The following CADPS2 variants were observed in gnomAD, a reference collection of about 807,000 sequenced individuals.
The protein encoded by CADPS2 is calcium-dependent secretion activator 2.
In CADPS2, 93 loss-of-function variants were observed where a neutral mutation model predicts 172.5. The observed-to-expected ratio is 0.54, with a 90% CI of 0.46 to 0.64. The LOEUF is 0.64. Ranked by LOEUF, CADPS2 falls within the 30% of genes least tolerant of loss-of-function variation. The pLI is 0.00. For synonymous variants in CADPS2, 546 were observed against 555.2 expected (o/e 0.98, Z 0.23); for missense variants, 1,420 against 1,565.9 (o/e 0.91, Z 1.57).
chr7:122,375,707 T>A (rs1563182684), intron 25 of CADPS2, among the ~76,000 whole-genome samples: 1 of 152,074 alleles, frequency 6.6e-6, no homozygotes, highest in African/African-American at 2.4e-5. Flanking sequence ...GCCGTAGCAA[T>A]GACTTCTTGG....
chr7:122,850,267 C>A (rs776843236), intron 1 of CADPS2: 80 of 757,054 alleles, frequency 1.1e-4, no homozygotes, highest in Non-Finnish European at 1.4e-4. Context: ...CACTGGGGGC[C>A]CCAGGACTCC....
intron 1 of CADPS2, among the ~76,000 whole-genome samples, chr7:122,797,894 C>A (rs1379602680): frequency 6.6e-6 from 1 of 151,978 alleles, no homozygotes; most frequent in Non-Finnish European, 1.5e-5. Flanking sequence ...AAAAATATTT[C>A]ATCATATGAA....
chr7:122,872,001 T>G (rs776656494), intron 1 of CADPS2, among the ~76,000 whole-genome samples: 1 of 151,984 alleles, frequency 6.6e-6, no homozygotes, highest in Non-Finnish European at 1.5e-5. Flanking sequence ...ATGACAACAC[T>G]CAAATTTAAC....
intron 1 of CADPS2, among the ~76,000 whole-genome samples, chr7:122,749,118 A>T (rs1254350623): frequency 6.6e-6 from 1 of 152,136 alleles, no homozygotes; most frequent in Non-Finnish European, 1.5e-5. Context: ...ATTTTATTCT[A>T]AGAAAAAGGG....
chr7:122,882,590 C>A (rs925691307), intron 1 of CADPS2, among the ~76,000 whole-genome samples: 3 of 149,776 alleles, frequency 2.0e-5, no homozygotes, highest in Non-Finnish European at 4.4e-5. Flanking sequence ...ATCAGGATCT[C>A]TCTAACTTTC....
In CADPS2 at chr7:122,366,513, G is replaced by A. The variant is rs571245306; in HGVS notation, c.3388-5500C>T. ...CCAGCTACTCAGGAGGCTGAGGCAG[G>A]AGAATCGCTTGAACCTGGGAGATGG... On this transcript the variant is annotated intron_variant, in intron 25 of 29. Transcript: ENST00000449022. Among the ~76,000 whole-genome samples the A allele has an allele frequency of 6.0e-5, 9 of 150,620 alleles. No homozygotes were observed. In the South Asian group the frequency reaches 1.9e-3, roughly 32 times the overall value.
intron 6 of CADPS2, among the ~76,000 whole-genome samples, chr7:122,600,204 G>C (rs879264055): frequency 6.6e-6 from 1 of 152,074 alleles, no homozygotes; most frequent in Non-Finnish European, 1.5e-5. Context: ...CAGTAGCTAA[G>C]TCAAGGAATT....
At chr7:122,632,657 CTG>C (rs1180146973) in intron 3 of CADPS2, among the ~76,000 whole-genome samples, 3 of 152,130 alleles carry the variant, frequency 2.0e-5, no homozygotes, top group Non-Finnish European at 4.4e-5. Flanking sequence ...TTGGTTGACT[CTG>C]TTGGTAATTT....
chr7:122,714,792 A>G (rs918648424), intron 2 of CADPS2, among the ~76,000 whole-genome samples: 5 of 152,176 alleles, frequency 3.3e-5, no homozygotes, highest in African/African-American at 1.2e-4. Context: ...AGAAACTTAC[A>G]GTAATAATAA....
intron 1 of CADPS2, among the ~76,000 whole-genome samples, chr7:122,827,344 C>A (rs1363694487): frequency 6.6e-6 from 1 of 151,986 alleles, no homozygotes; most frequent in Non-Finnish European, 1.5e-5. Flanking sequence ...AAAGAAAATT[C>A]TAGTAAATAT....
At chr7:122,507,848 T>C (rs938604556) in intron 9 of CADPS2, among the ~76,000 whole-genome samples, 11 of 152,158 alleles carry the variant, frequency 7.2e-5, no homozygotes, top group African/African-American at 2.2e-4. Context: ...GTTTTTGCTA[T>C]GGAACAGCAA....
intron 8 of CADPS2, among the ~76,000 whole-genome samples, chr7:122,543,999 G>A (rs985339425): frequency 6.6e-6 from 1 of 152,088 alleles, no homozygotes; most frequent in Admixed American, 6.6e-5. Flanking sequence ...GAACTATCTA[G>A]TAAAACTTGA....
At chr7:122,659,565 G>C (rs1319123650) in intron 3 of CADPS2, among the ~76,000 whole-genome samples, 2 of 152,038 alleles carry the variant, frequency 1.3e-5, no homozygotes, top group Non-Finnish European at 2.9e-5. Context: ...AGAGGGGATA[G>C]GACAGAAGGA....
Position 122,390,984 on chromosome 7 carries a change from T to A in CADPS2, c.3008+2212A>T, listed in dbSNP as rs1026049891. 4.2e-4 allele frequency among the ~76,000 whole-genome samples: 64 copies of A among 152,026 alleles called. 1 individual carries two copies. The highest frequency in any genetic ancestry group is 4.1e-4 in the Non-Finnish European group (28 of 67,966). ...TACAGATACATATGTCGATGAGCAA[T>A]CCTTGCATGATTTATGCATTGGTAG... On this transcript the variant is annotated intron_variant, in intron 22 of 29. Transcript: ENST00000449022.
intron 1 of CADPS2, among the ~76,000 whole-genome samples, chr7:122,759,227 C>T (rs1230338071): frequency 6.6e-6 from 1 of 152,042 alleles, no homozygotes; most frequent in East Asian, 1.9e-4. Flanking sequence ...TCAGCACCCA[C>T]CTGAAAGTCA....
At chr7:122,416,291 T>C in intron 17 of CADPS2, 127 bp from the exon 18 acceptor site, 1 of 460,574 alleles carries the variant, frequency 2.2e-6, no homozygotes. Context: ...AATACATTAT[T>C]TAGACAAAAA....
At chr7:122,726,096 T>G (rs529904302) in intron 2 of CADPS2, among the ~76,000 whole-genome samples, 1 of 151,842 alleles carries the variant, frequency 6.6e-6, no homozygotes, top group African/African-American at 2.4e-5. Context: ...CCCATCTGGA[T>G]TCAGAGGCAA....
chr7:122,581,126 C>T (rs1445603236), intron 7 of CADPS2, 53 bp downstream of exon 7: 1 of 1,273,960 alleles, frequency 7.8e-7, no homozygotes, highest in African/African-American at 1.5e-5. Context: ...AATCATGAAT[C>T]CAAAGAAGTT....
chr7:122,617,782 G>A (rs755002229), intron 5 of CADPS2, among the ~76,000 whole-genome samples: 8 of 152,238 alleles, frequency 5.3e-5, no homozygotes, highest in East Asian at 3.9e-4. Flanking sequence ...AGTGGCTCAC[G>A]CCTGTAATCT....
Sources: allele counts gnomAD v4.1 joint callset (sites outside exome capture counted in the v4.1 genomes callset), GRCh38; gene constraint gnomAD v4.1.1; transcripts MANE v1.5; gene names NCBI Gene and HGNC (gene_info 2026-07-23, HGNC 2026-07-21).